Variants in CCNDBP1 observed in about 807,000 individuals in gnomAD.
CCNDBP1 encodes the protein cyclin-D1-binding protein 1.
A neutral mutation model predicts 46.2 loss-of-function variants in CCNDBP1; 45 were observed. The ratio of observed to expected loss-of-function variants is 0.97; its 90% CI spans 0.77 to 1.25. The LOEUF is 1.25. Ranked by LOEUF, CCNDBP1 falls within the 50% of genes most tolerant of loss-of-function variation. The pLI, the probability that CCNDBP1 is intolerant of heterozygous loss-of-function variation, is 0.00. For synonymous variants in CCNDBP1, 154 were observed against 163.6 expected (o/e 0.94, Z 0.45); for missense variants, 436 against 442.1 (o/e 0.99, Z 0.12).
Position 43,190,996 on chromosome 15 carries a change from C to G in CCNDBP1, c.533C>G (p.Thr178Ser). 1 of 1,614,016 alleles carries G rather than the reference C, an allele frequency of 6.2e-7. No individual in the cohort carries two copies. Among genetic ancestry groups the G allele is most frequent in the South Asian group, 1.1e-5 (1 of 91,074 alleles). Residue 178 changes from threonine to serine, a missense_variant, in exon 7 of 11, where the codon ACC becomes AGC. By Grantham distance (58) the Thr-to-Ser change is moderately conservative (BLOSUM62 1). Transcript: ENST00000300213. ...DNKAAALLML[T>S]KNVDFVKDAH... is the part of the protein sequence containing the mutation. ...AAAGCTGCAGCTCTTTTGATGCTGA[C>G]CAAGAATGTGGATTTTGTGAAGGAT...
chr15:43,186,022 A>T, intron 2 of CCNDBP1, 132 bp from the exon 3 acceptor site: 1 of 1,167,664 alleles, frequency 8.6e-7, no homozygotes, highest in Non-Finnish European at 1.3e-6. Flanking sequence ...TCAGCACCTG[A>T]GAGGGTGAAA....
rs1296130025 is a variant in CCNDBP1 at position 43,192,767 on chromosome 15, A to G, written c.885A>G (p.Ile295Met). ...GTGTGGATGATTTGGCTCTGAGCATATATCCACCTATGTGTCACCTGACCG... is the reference window on the plus strand; with the variant it reads ...GTGTGGATGATTTGGCTCTGAGCATGTATCCACCTATGTGTCACCTGACCG... ...SPSVDDLALS[I>M]YPPMCHLTVR... is the part of the protein sequence containing the mutation. The change falls in exon 9 of 11, where the codon ATA (isoleucine) becomes ATG (methionine). Residue 295 changes from isoleucine (I) to methionine (M), a missense_variant. Transcript: ENST00000300213. 1.2e-6 allele frequency: 2 copies of G among 1,614,196 alleles called. No individual in the cohort carries two copies. Among genetic ancestry groups the G allele is most frequent in the Non-Finnish European group, 1.7e-6 (2 of 1,180,028 alleles).
chr15:43,191,797 T>A, intron 8 of CCNDBP1, 122 bp downstream of exon 8: 1 of 1,130,610 alleles, frequency 8.8e-7, no homozygotes, highest in Non-Finnish European at 1.2e-6. Context: ...TAGGAAAGTT[T>A]AAAAAGTACC....
intron 10 of CCNDBP1, 34 bp downstream of exon 10, chr15:43,194,495 G>C: frequency 6.5e-6 from 10 of 1,550,030 alleles, no homozygotes; most frequent in Non-Finnish European, 8.8e-6. Flanking sequence ...AGCTTTTTGT[G>C]AGTAAAACGG....
chr15:43,195,956 T>C lies in CCNDBP1; in HGVS notation c.*1115T>C, dbSNP rs1009906850. 4 of 152,152 alleles carry C rather than the reference T, an allele frequency of 2.6e-5. No individual in the cohort carries two copies. The highest frequency in any genetic ancestry group is 2.1e-4 in the South Asian group (1 of 4,834). 9.4% of individuals were successfully genotyped at this position (152,152 alleles called of 1,614,324 possible). ...CATTTTGTATTGTTAACAAGTGTCA[T>C]GAAGGGAAGGAACTAAAATCAAACT... On this transcript the variant is annotated 3_prime_UTR_variant, in exon 11 of 11. Coordinates refer to ENST00000300213, the MANE Select transcript of CCNDBP1 (RefSeq NM_012142.5).
chr15:43,186,592 G>A (rs2041845348), intron 3 of CCNDBP1, among the ~76,000 whole-genome samples: 1 of 152,244 alleles, frequency 6.6e-6, no homozygotes, highest in South Asian at 2.1e-4. Context: ...AAAGCAGGGG[G>A]GCTAGAATTT....
intron 4 of CCNDBP1, 44 bp downstream of exon 4, chr15:43,189,324 A>ACCG: frequency 9.0e-7 from 1 of 1,110,494 alleles, no homozygotes. Flanking sequence ...ATCTTTGCTA[A>ACCG]TATTGTGGAT....
chr15:43,189,708 C>A, intron 4 of CCNDBP1: 1 of 328,622 alleles, frequency 3.0e-6, no homozygotes, highest in Non-Finnish European at 5.6e-6. Context: ...ATAATCATGC[C>A]AAAATTATAA....
At chr15:43,190,462 T>C in intron 6 of CCNDBP1, 64 bp downstream of exon 6, 4 of 1,254,940 alleles carry the variant, frequency 3.2e-6, no homozygotes, top group Non-Finnish European at 4.6e-6. Flanking sequence ...ATGTCTAGCT[T>C]CCAGCTTTGT....
At chr15:43,186,396 C>T (rs1167548218) in intron 3 of CCNDBP1, among the ~76,000 whole-genome samples, 163 bp downstream of exon 3, 1 of 152,228 alleles carries the variant, frequency 6.6e-6, no homozygotes, top group Non-Finnish European at 1.5e-5. Flanking sequence ...GACCGAATTG[C>T]CAAGTGCAGT....
chr15:43,194,383 C>CA (rs753533080), intron 9 of CCNDBP1, 32 bp from the exon 10 acceptor site: 1 of 1,577,978 alleles, frequency 6.3e-7, no homozygotes, highest in Non-Finnish European at 8.6e-7. Flanking sequence ...TGGTAGGGCT[C>CA]AGGGTGAATA....
Position 43,194,839 on chromosome 15 carries a change from T to C in CCNDBP1, c.1081T>C (p.Ter361ArgextTer32), listed in dbSNP as rs2042018408. The change falls in exon 11 of 11, where the codon TGA becomes CGA. Residue 361 changes from the stop codon to arginine (R), a stop_lost. Transcript: ENST00000300213. ...GCTCACTCAGAGTGAACTTGAATTA[T>C]GACTTTTCAGGCTCATTTGTACTCT... is the stretch of plus-strand genomic sequence containing the variant. ...KELTQSELEL[*>R] is the part of the protein sequence containing the mutation. The C allele has an allele frequency of 4.4e-6, 7 of 1,590,512 alleles. No individual in the cohort carries two copies. Among genetic ancestry groups the C allele is most frequent in the Non-Finnish European group, 6.0e-6 (7 of 1,158,546 alleles).
intron 8 of CCNDBP1, 49 bp downstream of exon 8, chr15:43,191,724 C>T (rs1431772402): frequency 1.3e-6 from 2 of 1,559,916 alleles, no homozygotes; most frequent in South Asian, 1.1e-5. Context: ...GTTCTGATTT[C>T]AATTTGTGTT....
chr15:43,190,431 T>C (rs778597274), intron 6 of CCNDBP1, 33 bp downstream of exon 6: 17 of 1,588,060 alleles, frequency 1.1e-5, no homozygotes, highest in Admixed American at 8.4e-5. Flanking sequence ...CCATGTCTGC[T>C]GGCCAAAGCA....
In CCNDBP1 at chr15:43,196,153, A is replaced by G. The variant is rs2042034831; in HGVS notation, c.*1312A>G. The G allele has an allele frequency of 1.3e-5, 2 of 152,182 alleles. No homozygotes were observed. The highest frequency in any genetic ancestry group is 2.4e-5 in the African/African-American group (1 of 41,430). The allele number at this position is 152,182 out of a possible 1,614,324, so 9.4% of individuals were successfully genotyped here. ...TTTAATTGTGGGATACTTAATGAAT[A>G]TAGAACTCTAATATAAAGACTTACC... On this transcript the variant is annotated 3_prime_UTR_variant, in exon 11 of 11. Transcript: ENST00000300213.
In CCNDBP1 at chr15:43,195,733, T is replaced by C. The variant is rs2042030640; in HGVS notation, c.*892T>C. The stretch of plus-strand genomic sequence containing the variant: ...TATTCTGGTGAGCTGAATAGGGCAT[T>C]ATGCATGTCCTACAGGTCTCCGCCA... On this transcript the variant is annotated 3_prime_UTR_variant, in exon 11 of 11. Coordinates refer to ENST00000300213, the MANE Select transcript of CCNDBP1 (RefSeq NM_012142.5). The C allele has an allele frequency of 1.3e-5, 2 of 152,204 alleles. No individual in the cohort carries two copies. The highest frequency in any genetic ancestry group is 2.4e-5 in the African/African-American group (1 of 41,446). 9.4% of individuals were successfully genotyped at this position (152,204 alleles called of 1,614,324 possible). A position where few individuals can be genotyped will look rare whatever the true frequency, so the allele number is the denominator to read the frequency against.
rs1274502572 is a variant in CCNDBP1, at chr15:43,196,149, GA to G, written c.*1310del. On this transcript the variant is annotated 3_prime_UTR_variant, in exon 11 of 11. Coordinates refer to ENST00000300213, the MANE Select transcript of CCNDBP1 (RefSeq NM_012142.5). Reference sequence around the variant, plus strand: ...AGACTTTAATTGTGGGATACTTAATGAATATAGAACTCTAATATAAAGACTT... The same window carrying G: ...AGACTTTAATTGTGGGATACTTAATGATATAGAACTCTAATATAAAGACTT... 2.0e-5 allele frequency: 3 copies of G among 151,890 alleles called. No homozygotes were observed. The highest frequency in any genetic ancestry group is 4.8e-5 in the African/African-American group (2 of 41,342). The allele number at this position is 151,890 out of a possible 1,614,324, so 9.4% of individuals were successfully genotyped here. A position where few individuals can be genotyped will look rare whatever the true frequency, so the allele number is the denominator to read the frequency against.
In CCNDBP1 at chr15:43,186,223, C is replaced by T. The variant is rs1408079098; in HGVS notation, c.239C>T (p.Pro80Leu). The T allele has an allele frequency of 1.2e-6, 2 of 1,613,832 alleles. No individual in the cohort carries two copies. Among genetic ancestry groups the T allele is most frequent in the Non-Finnish European group, 1.7e-6 (2 of 1,179,744 alleles). Residue 80 changes from proline to leucine, a missense_variant, in exon 3 of 11, where the codon CCG becomes CTG. By Grantham distance (98) the Pro-to-Leu change is moderately conservative (BLOSUM62 -3). Coordinates refer to ENST00000300213, the MANE Select transcript of CCNDBP1 (RefSeq NM_012142.5). ...LTIVFSQLPL[P>L]SPQETQKFCE... ...ATAGTCTTCTCTCAGCTTCCACTGC[C>T]GTCTCCACAGGTGGGCTTCACTTTC...
intron 3 of CCNDBP1, among the ~76,000 whole-genome samples, 162 bp downstream of exon 3, chr15:43,186,395 G>A (rs1022572266): frequency 6.6e-6 from 1 of 152,226 alleles, no homozygotes; most frequent in Non-Finnish European, 1.5e-5. Flanking sequence ...AGACCGAATT[G>A]CCAAGTGCAG....
Sources: allele counts gnomAD v4.1 joint callset (sites outside exome capture counted in the v4.1 genomes callset), GRCh38; gene constraint gnomAD v4.1.1; transcripts MANE v1.5; gene names NCBI Gene and HGNC (gene_info 2026-07-23, HGNC 2026-07-21).